CDH13: variants seen among roughly 807,000 people sequenced by gnomAD.
CDH13 encodes the protein cadherin 13.
Under a neutral mutation model 63.8 loss-of-function variants are expected in CDH13, and 24 were observed. That is an observed-to-expected ratio of 0.38 (90% CI 0.27 to 0.53). The LOEUF is 0.53. Among genes scored for constraint, CDH13 ranks in the 20% least tolerant of loss-of-function variants. The probability of loss-of-function intolerance (pLI) is 0.85; values close to 1 mark genes in which losing one functional copy is unlikely to be tolerated. For missense variants in CDH13, 1,049 were observed against 903.1 expected, an observed-to-expected ratio of 1.16 and a Z score of -2.07; for synonymous variants, 503 against 355.3, an observed-to-expected ratio of 1.42 and a Z score of -4.67.
At chr16:83,212,793 T>G (rs59027227) in intron 4 of CDH13, among the ~76,000 whole-genome samples, 11,932 of 152,208 alleles carry the variant, frequency 0.078, 1,517 homozygotes, top group African/African-American at 0.27. Flanking sequence ...ATTCTCCCCC[T>G]ACCCTGATTT....
At chr16:82,933,701 A>G (rs1020601643) in intron 2 of CDH13, among the ~76,000 whole-genome samples, 3 of 152,224 alleles carry the variant, frequency 2.0e-5, no homozygotes, top group Non-Finnish European at 2.9e-5. Context: ...CCTAGATACA[A>G]TGGAGATACA....
At chr16:83,349,127 G>T (rs1469881549) in intron 6 of CDH13, among the ~76,000 whole-genome samples, 1 of 152,222 alleles carries the variant, frequency 6.6e-6, no homozygotes, top group Non-Finnish European at 1.5e-5. Flanking sequence ...ATTCCTGGAT[G>T]AAGGAAGATC....
At chr16:82,814,067 T>C (rs1369892647) in intron 1 of CDH13, among the ~76,000 whole-genome samples, 1 of 152,134 alleles carries the variant, frequency 6.6e-6, no homozygotes, top group Admixed American at 6.5e-5. Context: ...GAGGGTTTTA[T>C]AGTTTGAGAG....
intron 2 of CDH13, among the ~76,000 whole-genome samples, chr16:82,864,233 A>G (rs1409007929): frequency 1.3e-5 from 2 of 152,172 alleles, no homozygotes; most frequent in African/African-American, 4.8e-5. Flanking sequence ...GGTATTTCTT[A>G]GGAGACATTT....
intron 6 of CDH13, among the ~76,000 whole-genome samples, chr16:83,458,876 C>T (rs2073094508): frequency 6.6e-6 from 1 of 152,318 alleles, no homozygotes; most frequent in East Asian, 1.9e-4. Context: ...AGCATTGCAG[C>T]AATGAGAAAA....
intron 2 of CDH13, among the ~76,000 whole-genome samples, chr16:82,899,702 C>T (rs1340523801): frequency 1.3e-5 from 2 of 152,118 alleles, no homozygotes; most frequent in South Asian, 2.1e-4. Flanking sequence ...CAGTGAAGCA[C>T]CTCTGCATTT....
intron 3 of CDH13, among the ~76,000 whole-genome samples, chr16:83,118,099 A>G (rs2035394996): frequency 6.6e-6 from 1 of 152,222 alleles, no homozygotes; most frequent in Admixed American, 6.5e-5. Context: ...ATGAGGCTGC[A>G]GCAGGCCTCG....
intron 1 of CDH13, chr16:82,688,972 C>A (rs559097228): frequency 1.3e-5 from 2 of 152,100 alleles, no homozygotes; most frequent in Non-Finnish European, 2.9e-5. Flanking sequence ...CCAGGCCCCA[C>A]GGAGAACCAG....
chr16:82,705,316 C>T (rs146185741), intron 1 of CDH13: 9 of 360,596 alleles, frequency 2.5e-5, no homozygotes, highest in African/African-American at 1.7e-4. Context: ...CTGATTTCTT[C>T]TCCTTCTCTC....
At chr16:83,476,715 C>T (rs186780840) in intron 6 of CDH13, among the ~76,000 whole-genome samples, 1 of 152,186 alleles carries the variant, frequency 6.6e-6, no homozygotes, top group East Asian at 1.9e-4. Flanking sequence ...ACAAAAAAAA[C>T]CACACCGTGT....
At chr16:82,993,940 G>A (rs756738748) in intron 2 of CDH13, among the ~76,000 whole-genome samples, 12 of 152,088 alleles carry the variant, frequency 7.9e-5, no homozygotes, top group Non-Finnish European at 1.2e-4. Flanking sequence ...CTCCCCCTCC[G>A]TTGTTACCCC....
At chr16:83,694,640 G>A (rs921530780) in intron 10 of CDH13, among the ~76,000 whole-genome samples, 1 of 152,172 alleles carries the variant, frequency 6.6e-6, no homozygotes, top group Non-Finnish European at 1.5e-5. Flanking sequence ...CACAAAGCAG[G>A]AACAGGTGAC....
intron 2 of CDH13, among the ~76,000 whole-genome samples, chr16:82,878,969 C>T (rs2040598576): frequency 6.6e-6 from 1 of 152,040 alleles, no homozygotes; most frequent in Non-Finnish European, 1.5e-5. Context: ...CTTGAGTTTC[C>T]CTGTTTGCTG....
At chr16:82,829,755 A>C (rs562272297) in intron 1 of CDH13, 29 of 152,302 alleles carry the variant, frequency 1.9e-4, no homozygotes, top group Non-Finnish European at 3.7e-4. Flanking sequence ...TATAAATATT[A>C]ATTAATCTTC....
chr16:83,570,212 T>C lies in CDH13; in HGVS notation c.961-32242T>C, dbSNP rs114995929. Among the ~76,000 whole-genome samples, 1,026 of 152,316 alleles carry C rather than the reference T, an allele frequency of 6.7e-3. 11 individuals carry two copies. The highest frequency in any genetic ancestry group is 0.023 in the African/African-American group (963 of 41,570). On this transcript the variant is annotated intron_variant, in intron 7 of 13. Coordinates refer to ENST00000567109, the MANE Select transcript of CDH13 (RefSeq NM_001257.5). ...ACTCATGCTGTTGATTTCATTAGTA[T>C]AGGTCTTGCATCGTAGATGCCAAAC...
intron 1 of CDH13, among the ~76,000 whole-genome samples, chr16:82,816,016 G>C (rs909037685): frequency 2.0e-5 from 3 of 152,118 alleles, no homozygotes; most frequent in African/African-American, 7.2e-5. Flanking sequence ...TAGGTAGACT[G>C]CTGGGAAGCC....
intron 7 of CDH13, among the ~76,000 whole-genome samples, chr16:83,496,956 A>G (rs564358912): frequency 1.9e-3 from 294 of 152,312 alleles, no homozygotes; most frequent in African/African-American, 7.0e-3. Flanking sequence ...CAAAACCACA[A>G]TGAGATACCA....
chr16:83,182,793 A>T (rs1359675237), intron 4 of CDH13, among the ~76,000 whole-genome samples: 1 of 152,262 alleles, frequency 6.6e-6, no homozygotes, highest in Non-Finnish European at 1.5e-5. Flanking sequence ...ACACAAAATT[A>T]TAAAGTAAAA....
At chr16:82,781,555 A>G (rs1456110745) in intron 1 of CDH13, among the ~76,000 whole-genome samples, 4 of 151,926 alleles carry the variant, frequency 2.6e-5, no homozygotes, top group Non-Finnish European at 1.5e-5. Context: ...CTATTTATCT[A>G]TCATCCATCC....
Sources: gnomAD v4.1 joint callset for allele counts (sites outside exome capture counted in the v4.1 genomes callset) on GRCh38, gnomAD v4.1.1 for gene constraint, MANE v1.5 for transcripts, NCBI Gene and HGNC (gene_info 2026-07-23, HGNC 2026-07-21) for gene names.